The following PPP2R2B variants were observed in gnomAD, a reference collection of about 807,000 sequenced individuals.
The protein encoded by PPP2R2B is serine/threonine-protein phosphatase 2A 55 kDa regulatory subunit B beta isoform.
PPP2R2B carries 5 observed loss-of-function variants against 46.0 expected under a neutral mutation model. The observed-to-expected ratio is 0.11, with a 90% CI of 0.06 to 0.23. The LOEUF (loss-of-function observed/expected upper bound fraction) is 0.23. PPP2R2B is among the 10% of genes least tolerant of loss of function. PPP2R2B has a pLI of 1.00. For synonymous variants in PPP2R2B, 215 were observed against 206.7 expected (o/e 1.04, Z -0.34); for missense variants, 367 against 575.0 (o/e 0.64, Z 3.70).
chr5:146,776,952 C>G (rs1395575636), intron 2 of PPP2R2B, among the ~76,000 whole-genome samples: 1 of 152,076 alleles, frequency 6.6e-6, no homozygotes, highest in African/African-American at 2.4e-5. Context: ...TAAGATACTA[C>G]TTCACATCTA....
chr5:146,872,412 G>A (rs527766157), intron 2 of PPP2R2B, among the ~76,000 whole-genome samples: 1 of 152,308 alleles, frequency 6.6e-6, no homozygotes, highest in East Asian at 1.9e-4. Context: ...TCTGGCATTT[G>A]CATACAAATA....
intron 2 of PPP2R2B, among the ~76,000 whole-genome samples, chr5:146,786,112 A>G (rs993265759): frequency 2.0e-5 from 3 of 152,200 alleles, no homozygotes; most frequent in Admixed American, 2.0e-4. Flanking sequence ...ACGATTACAC[A>G]TTGTATGCAT....
At chr5:146,766,915 G>A (rs1360988751) in intron 2 of PPP2R2B, among the ~76,000 whole-genome samples, 1 of 151,872 alleles carries the variant, frequency 6.6e-6, no homozygotes, top group Admixed American at 6.6e-5. Flanking sequence ...TTGGCCAGGT[G>A]AGGTGGCGCA....
chr5:147,052,761 G>A (rs943564386), intron 1 of PPP2R2B, among the ~76,000 whole-genome samples: 8 of 152,056 alleles, frequency 5.3e-5, no homozygotes, highest in African/African-American at 1.7e-4. Context: ...CCATAGAGAG[G>A]TTTTAAATGT....
chr5:146,654,198 T>C (rs566535659), intron 5 of PPP2R2B, among the ~76,000 whole-genome samples: 1 of 152,280 alleles, frequency 6.6e-6, no homozygotes, highest in Non-Finnish European at 1.5e-5. Context: ...TCCAAGGTGT[T>C]ATCTCCTCCA....
intron 1 of PPP2R2B, among the ~76,000 whole-genome samples, chr5:146,911,552 A>G (rs1461074833): frequency 1.3e-5 from 2 of 152,226 alleles, no homozygotes; most frequent in Admixed American, 6.5e-5. Context: ...CAGTAGGTGC[A>G]CAATAAGTAA....
intron 2 of PPP2R2B, 82 bp downstream of exon 2, chr5:146,877,920 A>T (rs909212505): frequency 4.7e-6 from 7 of 1,493,670 alleles, no homozygotes; most frequent in Non-Finnish European, 5.5e-6. Flanking sequence ...CTCCGCCACT[A>T]CGCGCCCAGC....
intron 1 of PPP2R2B, among the ~76,000 whole-genome samples, chr5:146,887,397 G>A (rs1762363244): frequency 1.3e-5 from 2 of 152,056 alleles, no homozygotes; most frequent in African/African-American, 4.8e-5. Context: ...CTAGAAACTT[G>A]AATGTAATGC....
At chr5:146,706,190 G>C (rs1350516209) in intron 2 of PPP2R2B, among the ~76,000 whole-genome samples, 1 of 152,140 alleles carries the variant, frequency 6.6e-6, no homozygotes, top group Admixed American at 6.5e-5. Flanking sequence ...CAGGCTGGGA[G>C]GGGCTGCCGC....
chr5:146,776,926 G>A (rs1408310128), intron 2 of PPP2R2B, among the ~76,000 whole-genome samples: 1 of 151,966 alleles, frequency 6.6e-6, no homozygotes, highest in Non-Finnish European at 1.5e-5. Context: ...TTAGGAAAAT[G>A]CAAAAAATAC....
rs530226613 is a variant in PPP2R2B at position 146,999,448 on chromosome 5, A to G, written c.79+56217T>C. 3.9e-5 allele frequency among the ~76,000 whole-genome samples: 6 copies of G among 152,200 alleles called. No homozygotes were observed. In the South Asian group the frequency reaches 1.0e-3, roughly 26 times the overall value. On this transcript the variant is annotated intron_variant, in intron 1 of 8. Transcript: ENST00000336640. Reference sequence around the variant, plus strand: ...CTTTGGAGTTAAAAAACAAAATATCAATACTCAAGGCCTATCCCCAGAGAT... The same window carrying G: ...CTTTGGAGTTAAAAAACAAAATATCGATACTCAAGGCCTATCCCCAGAGAT...
At chr5:147,022,691 A>G (rs907487905) in intron 1 of PPP2R2B, among the ~76,000 whole-genome samples, 1 of 152,152 alleles carries the variant, frequency 6.6e-6, no homozygotes, top group Admixed American at 6.5e-5. Context: ...CCAATTACAA[A>G]GATAAAAATC....
intron 1 of PPP2R2B, among the ~76,000 whole-genome samples, chr5:146,975,472 T>A (rs1486352171): frequency 2.0e-5 from 3 of 152,236 alleles, no homozygotes; most frequent in African/African-American, 7.2e-5. Flanking sequence ...AACATGGGTA[T>A]GCAAATATGT....
chr5:147,049,318 A>G (rs1022119568), intron 1 of PPP2R2B, among the ~76,000 whole-genome samples: 3 of 152,144 alleles, frequency 2.0e-5, no homozygotes, highest in Non-Finnish European at 4.4e-5. Context: ...TCGAGTCTCT[A>G]GGAGAACAGA....
intron 1 of PPP2R2B, among the ~76,000 whole-genome samples, chr5:146,885,356 A>G (rs900520720): frequency 3.9e-5 from 6 of 152,130 alleles, no homozygotes; most frequent in African/African-American, 1.4e-4. Context: ...TGTCTATTGC[A>G]GTGGGTTTAG....
At chr5:147,077,126 T>C (rs927309104) in intron 2 of PPP2R2B, among the ~76,000 whole-genome samples, 16 of 133,246 alleles carry the variant, frequency 1.2e-4, no homozygotes, top group South Asian at 2.2e-4. Flanking sequence ...TATTGTATAT[T>C]GTATATGTAT....
chr5:146,878,294 T>G lies in PPP2R2B; in HGVS notation c.-124-99A>C. 1 of 1,456,668 alleles carries G rather than the reference T, an allele frequency of 6.9e-7. No individual in the cohort carries two copies. The highest frequency in any genetic ancestry group is 2.5e-5 in the East Asian group (1 of 40,298). 90.2% of individuals were successfully genotyped at this position (1,456,668 alleles called of 1,614,324 possible). A position where few individuals can be genotyped will look rare whatever the true frequency, so the allele number is the denominator to read the frequency against. ...GGTTCTGCGAGGCTGCGGCGGCTCC[T>G]CCCGCGCGGTGCGCTCACTCCAGCT... On this transcript the variant is annotated intron_variant, in intron 1 of 9. Coordinates refer to ENST00000394411, the MANE Select transcript of PPP2R2B (RefSeq NM_181675.4). This position sits in a 1 kb window ranked among gnomAD's most constrained non-coding sequence, Gnocchi z 4.5.
chr5:146,649,990 TTATAA>T (rs944334207), intron 6 of PPP2R2B, among the ~76,000 whole-genome samples: 8 of 152,322 alleles, frequency 5.3e-5, no homozygotes, highest in African/African-American at 1.9e-4. Context: ...AACTGTACAA[TTATAA>T]TATGTATACT....
At chr5:146,620,346 C>T (rs192719749) in intron 7 of PPP2R2B, among the ~76,000 whole-genome samples, 22 of 152,204 alleles carry the variant, frequency 1.4e-4, no homozygotes, top group Non-Finnish European at 2.6e-4. Flanking sequence ...ATTAGCCAAG[C>T]GGGACTGGTG....
Sources: gnomAD v4.1 joint callset for allele counts (sites outside exome capture counted in the v4.1 genomes callset) on GRCh38, gnomAD v4.1.1 for gene constraint, Gnocchi (gnomAD v3.1) non-coding constraint, MANE v1.5 for transcripts, NCBI Gene and HGNC (gene_info 2026-07-23, HGNC 2026-07-21) for gene names.